The following IL4I1 variants were observed in gnomAD, a reference collection of about 807,000 sequenced individuals.
IL4I1 encodes interleukin 4 induced 1, also known as L-amino-acid oxidase.
Under a neutral mutation model 29.7 loss-of-function variants are expected in IL4I1, and 24 were observed. That is an observed-to-expected ratio of 0.81 (90% CI 0.59 to 1.14). The LOEUF (loss-of-function observed/expected upper bound fraction) is 1.14, where lower values mean the gene tolerates loss of function less well. Ranked by LOEUF, IL4I1 falls within the 50% of genes most tolerant of loss-of-function variation. The pLI, the probability that IL4I1 is intolerant of heterozygous loss-of-function variation, is 0.00. For synonymous variants in IL4I1, 371 were observed against 352.5 expected, an observed-to-expected ratio of 1.05 and a Z score of -0.59; for missense variants, 686 against 785.6, an observed-to-expected ratio of 0.87 and a Z score of 1.52.
intron 2 of IL4I1, among the ~76,000 whole-genome samples, chr19:49,919,436 T>C (rs759059854): frequency 1.3e-5 from 2 of 152,214 alleles, no homozygotes; most frequent in Non-Finnish European, 2.9e-5. Context: ...TAAGCAGGCT[T>C]ATTCTCCTCA....
At position 49,895,087 on chromosome 19, in the gene IL4I1, G is replaced by A. The variant is rs1475773644; in HGVS notation, c.346C>T (p.Arg116Cys). Residue 116 changes from arginine to cysteine, a missense_variant, in exon 4 of 8, where the codon CGC becomes TGC. Transcript: ENST00000391826. ...TGWIGELGAM[R>C]MPSSHRILHK... ...GGTCACCTGTGAGAGCTGGGCATGC[G>A]CATGGCTCCCAGCTCCCCAATCCAG... 7 of 1,613,430 alleles carry A rather than the reference G, an allele frequency of 4.3e-6. No homozygotes were observed. Among genetic ancestry groups the A allele is most frequent in the African/African-American group, 2.7e-5 (2 of 74,838 alleles).
At position 49,890,493 on chromosome 19, in the gene IL4I1, G is replaced by C; in HGVS notation, c.881C>G (p.Pro294Arg). The change falls in exon 8 of 8, where the codon CCG (proline) becomes CGG (arginine). Residue 294 changes from proline (P) to arginine (R), a missense_variant. Physicochemically the swap from Pro to Arg is moderately radical, Grantham distance 103. Transcript: ENST00000391826. ...CTCGATCTGCACGTGCACATCGTGC[G>C]GTCCCTGGGTCATCGCCACCACGGG... is the stretch of plus-strand genomic sequence containing the variant. ...NAPVVAMTQG[P>R]HDVHVQIETS... 1.9e-6 allele frequency: 3 copies of C among 1,611,350 alleles called. No individual in the cohort carries two copies. Among genetic ancestry groups the C allele is most frequent in the Non-Finnish European group, 1.7e-6 (2 of 1,179,718 alleles).
upstream of IL4I1, among the ~76,000 whole-genome samples, chr19:49,897,478 GTCTAC>G (rs763194369): frequency 0.53 from 79,720 of 151,812 alleles, 21,428 homozygotes; most frequent in South Asian, 0.64. Flanking sequence ...GTCAAATGAC[GTCTAC>G]AGACGTCACA....
chr19:49,909,762 A>T, intron 2 of IL4I1: 1 of 1,611,982 alleles, frequency 6.2e-7, no homozygotes, highest in Non-Finnish European at 8.5e-7. Flanking sequence ...CCAAACGTGA[A>T]CCCGCCTGTA....
intron 3 of IL4I1, among the ~76,000 whole-genome samples, chr19:49,903,830 GTTTTTTTTT>G (rs113175852): frequency 1.5e-5 from 1 of 66,528 alleles, no homozygotes; most frequent in African/African-American, 6.4e-5. Context: ...TATGTGCTGG[GTTTTTTTTT>G]TTTTTTTTTT....
At chr19:49,909,254 G>A in intron 2 of IL4I1, 3 of 1,614,114 alleles carry the variant, frequency 1.9e-6, no homozygotes, top group Non-Finnish European at 2.5e-6. Context: ...CAACGTGGCA[G>A]GTGCCGTGGG....
At chr19:49,928,948 A>C (rs2075985036) in intron 1 of IL4I1, 1 of 152,592 alleles carries the variant, frequency 6.6e-6, no homozygotes, top group Non-Finnish European at 1.5e-5. Flanking sequence ...AGTCAGGAGG[A>C]GGAAACCAGA....
At chr19:49,924,800 A>T (rs1244491903) in intron 2 of IL4I1, among the ~76,000 whole-genome samples, 1 of 152,214 alleles carries the variant, frequency 6.6e-6, no homozygotes, top group Non-Finnish European at 1.5e-5. Context: ...CCCTGAGTCC[A>T]GCTGCTAAGT....
In IL4I1 at chr19:49,890,496, C is replaced by T. The variant is rs773334276; in HGVS notation, c.878G>A (p.Gly293Glu). The change falls in exon 8 of 8, where the codon GGA becomes GAA. Residue 293 changes from glycine to glutamate, a missense_variant. By Grantham distance (98) the Gly-to-Glu change is moderately conservative. Coordinates refer to ENST00000391826, the MANE Select transcript of IL4I1 (RefSeq NM_152899.2). ...GATCTGCACGTGCACATCGTGCGGT[C>T]CCTGGGTCATCGCCACCACGGGCGC... The part of the protein sequence containing the change: ...LNAPVVAMTQ[G>E]PHDVHVQIET... 9.9e-6 allele frequency: 16 copies of T among 1,611,282 alleles called. No individual in the cohort carries two copies. The highest frequency in any genetic ancestry group is 1.4e-5 in the Non-Finnish European group (16 of 1,179,732).
At chr19:49,923,166 C>T (rs547079906) in intron 2 of IL4I1, among the ~76,000 whole-genome samples, 1 of 152,110 alleles carries the variant, frequency 6.6e-6, no homozygotes, top group Non-Finnish European at 1.5e-5. Context: ...CTGTGGGCCA[C>T]GTGGCAGCCT....
chr19:49,918,315 T>A (rs1438877709), intron 2 of IL4I1, among the ~76,000 whole-genome samples: 1 of 152,104 alleles, frequency 6.6e-6, no homozygotes, highest in Non-Finnish European at 1.5e-5. Context: ...TCCTCCCACC[T>A]CTGCCTCCCA....
intron 2 of IL4I1, among the ~76,000 whole-genome samples, chr19:49,924,144 C>T (rs2075828577): frequency 6.6e-6 from 1 of 152,200 alleles, no homozygotes; most frequent in Non-Finnish European, 1.5e-5. Flanking sequence ...GAGACTACAC[C>T]ATGGGCCTCG....
intron 2 of IL4I1, chr19:49,908,154 T>C: frequency 1.3e-6 from 2 of 1,554,060 alleles, no homozygotes; most frequent in Non-Finnish European, 1.7e-6. Context: ...AACAAGTATC[T>C]TGCCACAACC....
chr19:49,890,928 T>TCCCCCCCCCCCCCCC, intron 7 of IL4I1, 43 bp downstream of exon 7: 1 of 633,208 alleles, frequency 1.6e-6, no homozygotes, highest in Non-Finnish European at 2.4e-6. Flanking sequence ...TTTCCCTGAT[T>TCCCCCCCCCCCCCCC]GCCCCCCGCC....
chr19:49,923,840 C>A (rs2075820875), intron 2 of IL4I1, among the ~76,000 whole-genome samples: 1 of 152,216 alleles, frequency 6.6e-6, no homozygotes, highest in Non-Finnish European at 1.5e-5. Context: ...GGCTCTAGGG[C>A]CCATGCTCTG....
intron 2 of IL4I1, chr19:49,908,064 A>C: frequency 2.2e-6 from 3 of 1,384,242 alleles, no homozygotes; most frequent in Non-Finnish European, 2.9e-6. Context: ...CAGAAGGCCC[A>C]GAATACCCTC....
chr19:49,893,759 C>A (rs569687046), intron 5 of IL4I1, among the ~76,000 whole-genome samples: 1 of 151,924 alleles, frequency 6.6e-6, no homozygotes, highest in Admixed American at 6.6e-5. Context: ...GAGGCTGAGG[C>A]AGGTGGATCA....
rs754663127 is a variant in IL4I1, at chr19:49,890,939, CCCCCCCCCT to C, written c.773+23_773+31del. ...CTACTTTCCCTGATTGCCCCCCGCC[CCCCCCCCCT>C]GCCCGCCAGCCCCGCCCCTTACTGG... On this transcript the variant is annotated intron_variant, in intron 7 of 7. Transcript: ENST00000391826. The C allele has an allele frequency of 7.1e-6, 3 of 423,472 alleles. 1 individual carries two copies. Among genetic ancestry groups the C allele is most frequent in the Non-Finnish European group, 1.2e-5 (3 of 256,528 alleles). 26.2% of individuals were successfully genotyped at this position (423,472 alleles called of 1,614,324 possible).
chr19:49,891,103 T>A lies in IL4I1; in HGVS notation c.641A>T (p.Tyr214Phe), dbSNP rs2075132763. 6.2e-7 allele frequency: 1 copy of A among 1,612,106 alleles called. No individual in the cohort carries two copies. The highest frequency in any genetic ancestry group is 1.3e-5 in the African/African-American group (1 of 74,732). ...GCTCAGGTTCCCCTCCCCGAGAAGA[T>A]ATTCCTGCAGGTTGGGCACAGGCCG... ...KKFERHTLLE[Y>F]LLGEGNLSRP... The change falls in exon 7 of 8, where the codon TAT (tyrosine) becomes TTT (phenylalanine). Residue 214 changes from tyrosine to phenylalanine, a missense_variant. Coordinates refer to ENST00000391826, the MANE Select transcript of IL4I1 (RefSeq NM_152899.2).
Sources: allele counts gnomAD v4.1 joint callset (sites outside exome capture counted in the v4.1 genomes callset), GRCh38; gene constraint gnomAD v4.1.1; transcripts MANE v1.5; gene names NCBI Gene and HGNC (gene_info 2026-07-23, HGNC 2026-07-21).